Variants in ERICH3 observed in about 807,000 individuals in gnomAD.
The protein encoded by ERICH3 is glutamate-rich protein 3.
ERICH3 carries 126 observed loss-of-function variants against 131.1 expected under a neutral mutation model. The observed-to-expected ratio is 0.96, with a 90% CI of 0.83 to 1.11. The LOEUF is 1.11. Among genes scored for constraint, ERICH3 ranks in the 50% most tolerant of loss-of-function variants. The pLI is 0.00. For synonymous variants in ERICH3, 695 were observed against 644.6 expected, an observed-to-expected ratio of 1.08 and a Z score of -1.18; for missense variants, 2,050 against 1,810.7, an observed-to-expected ratio of 1.13 and a Z score of -2.40.
intron 10 of ERICH3, among the ~76,000 whole-genome samples, chr1:74,604,779 T>C (rs1648303588): frequency 6.6e-6 from 1 of 151,950 alleles, no homozygotes. Context: ...CATCCAGGCT[T>C]TGTTTGTTTC....
At chr1:74,614,443 G>A (rs699851) in intron 8 of ERICH3, among the ~76,000 whole-genome samples, 8,630 of 149,728 alleles carry the variant, frequency 0.058, 313 homozygotes, top group South Asian at 0.13. Flanking sequence ...TTGGGAGGCC[G>A]AGGCGGGTGG....
chr1:74,639,709 A>G (rs76222346), intron 5 of ERICH3, among the ~76,000 whole-genome samples: 19,991 of 152,186 alleles, frequency 0.13, 1,590 homozygotes, highest in South Asian at 0.3. Context: ...TGGGAGTGGT[A>G]CAGCTAAAAA....
At chr1:74,583,338 T>G (rs1475313453) in intron 12 of ERICH3, among the ~76,000 whole-genome samples, 1 of 152,198 alleles carries the variant, frequency 6.6e-6, no homozygotes, top group Non-Finnish European at 1.5e-5. Context: ...CTATATATAC[T>G]ATGCTTTTTC....
At position 74,568,948 on chromosome 1, in the gene ERICH3, A is replaced by T. The variant is rs955460814; in HGVS notation, c.*1510T>A. ...AGGTAGGAGACAAAGGCTGGGAACA[A>T]TTTCCAGGTGATGCTGATGTGCTGA... On this transcript the variant is annotated 3_prime_UTR_variant, in exon 15 of 15. Transcript: ENST00000326665. 4 of 152,266 alleles carry T rather than the reference A, an allele frequency of 2.6e-5. No individual in the cohort carries two copies. The East Asian group carries it at 7.7e-4, about 29-fold the overall frequency. The allele number at this position is 152,266 out of a possible 1,614,324, so 9.4% of individuals were successfully genotyped here.
chr1:74,596,804 A>G (rs1211963780), intron 11 of ERICH3, among the ~76,000 whole-genome samples: 1 of 152,092 alleles, frequency 6.6e-6, no homozygotes, highest in Non-Finnish European at 1.5e-5. Flanking sequence ...GAAGTCTCAC[A>G]CATCATTCCT....
intron 12 of ERICH3, among the ~76,000 whole-genome samples, chr1:74,582,311 C>T (rs1340394632): frequency 2.0e-5 from 3 of 152,190 alleles, no homozygotes; most frequent in Non-Finnish European, 2.9e-5. Context: ...AAGATAGCTC[C>T]TGATGTCTTT....
intron 1 of ERICH3, among the ~76,000 whole-genome samples, chr1:74,654,642 A>T (rs1356194554): frequency 6.6e-6 from 1 of 152,000 alleles, no homozygotes; most frequent in African/African-American, 2.4e-5. Flanking sequence ...TTATAAGGGC[A>T]CCAATCCCTC....
At chr1:74,667,637 T>G (rs1375768763) in intron 1 of ERICH3, among the ~76,000 whole-genome samples, 1 of 152,194 alleles carries the variant, frequency 6.6e-6, no homozygotes, top group East Asian at 1.9e-4. Context: ...CAGAATTGAA[T>G]CAGAAGTTTT....
chr1:74,657,455 A>G (rs1646595985), intron 1 of ERICH3, among the ~76,000 whole-genome samples: 2 of 152,158 alleles, frequency 1.3e-5, no homozygotes, highest in South Asian at 4.1e-4. Flanking sequence ...CTGTCACTTT[A>G]TAGGGGGTGA....
At chr1:74,650,787 A>G (rs1646526164) in intron 1 of ERICH3, among the ~76,000 whole-genome samples, 1 of 152,010 alleles carries the variant, frequency 6.6e-6, no homozygotes, top group African/African-American at 2.4e-5. Flanking sequence ...GGCTGACCAC[A>G]GGTAATTGAA....
intron 11 of ERICH3, chr1:74,592,121 A>T (rs949963145): frequency 2.6e-5 from 4 of 152,182 alleles, no homozygotes; most frequent in Non-Finnish European, 5.9e-5. Context: ...CACAGCAGTA[A>T]AAAACAAACT....
At chr1:74,586,966 AAAT>A (rs1246907819) in intron 12 of ERICH3, among the ~76,000 whole-genome samples, 2 of 152,192 alleles carry the variant, frequency 1.3e-5, no homozygotes, top group African/African-American at 4.8e-5. Context: ...TCTATTGTCT[AAAT>A]ATTATTCCAT....
At chr1:74,617,146 G>T (rs961835545) in intron 8 of ERICH3, among the ~76,000 whole-genome samples, 7 of 139,762 alleles carry the variant, frequency 5.0e-5, no homozygotes, top group Admixed American at 7.4e-5. Context: ...ATTTTGGTAA[G>T]TTACTAAAAA....
At chr1:74,646,634 A>T in intron 3 of ERICH3, 33 bp downstream of exon 3, 1 of 1,133,792 alleles carries the variant, frequency 8.8e-7, no homozygotes, top group East Asian at 3.0e-5. Flanking sequence ...AGAAAAAAAT[A>T]AAATAAAATA....
At chr1:74,578,072 C>T (rs1647101883) in intron 12 of ERICH3, 1 of 152,224 alleles carries the variant, frequency 6.6e-6, no homozygotes, top group East Asian at 1.9e-4. Context: ...ACTTCAGGAT[C>T]ACAGAGACCT....
intron 6 of ERICH3, among the ~76,000 whole-genome samples, chr1:74,633,829 A>T (rs1646363358): frequency 6.6e-6 from 1 of 152,046 alleles, no homozygotes; most frequent in Non-Finnish European, 1.5e-5. Context: ...AGATATTTCC[A>T]TATTGCCTTC....
intron 11 of ERICH3, among the ~76,000 whole-genome samples, chr1:74,594,372 A>G (rs1225951952): frequency 1.3e-5 from 2 of 151,504 alleles, no homozygotes; most frequent in East Asian, 3.9e-4. Flanking sequence ...CGCCTGACCA[A>G]GGGCACCAGC....
chr1:74,606,713 T>C lies in ERICH3; in HGVS notation c.1377A>G (p.Gln459=). The change falls in exon 10 of 15, where the codon CAA becomes CAG. Residue 459 remains glutamine, a synonymous_variant. Transcript: ENST00000326665. ...KTSVSAKFSA[Q]EIKTGLKEVV... ...CTTCTTTGAGCCCTGTTTTTATTTCTTGAGCTGAAAATTTGGCTGAAACAG... is the reference window on the plus strand; with the variant it reads ...CTTCTTTGAGCCCTGTTTTTATTTCCTGAGCTGAAAATTTGGCTGAAACAG... The C allele has an allele frequency of 6.2e-7, 1 of 1,613,400 alleles. No individual in the cohort carries two copies. Among genetic ancestry groups the C allele is most frequent in the Non-Finnish European group, 8.5e-7 (1 of 1,179,528 alleles).
intron 1 of ERICH3, among the ~76,000 whole-genome samples, chr1:74,652,532 T>G (rs1436505914): frequency 6.7e-6 from 1 of 150,282 alleles, no homozygotes. Context: ...ACTTACTCCC[T>G]TCACTTTTCT....
Sources: allele counts gnomAD v4.1 joint callset (sites outside exome capture counted in the v4.1 genomes callset), GRCh38; gene constraint gnomAD v4.1.1; transcripts MANE v1.5; gene names NCBI Gene and HGNC (gene_info 2026-07-23, HGNC 2026-07-21).